The following SH3GL1 variants were observed in gnomAD, a reference collection of about 807,000 sequenced individuals.
SH3GL1 encodes the protein SH3 domain containing GRB2 like 1, endophilin A2, also known as endophilin-A2.
Under a neutral mutation model 48.8 loss-of-function variants are expected in SH3GL1, and 21 were observed. The ratio of observed to expected loss-of-function variants is 0.43; its 90% CI spans 0.30 to 0.62. The LOEUF (loss-of-function observed/expected upper bound fraction) is 0.62. SH3GL1 is among the 20% of genes least tolerant of loss of function. SH3GL1 has a pLI of 0.11. For missense variants in SH3GL1, 454 were observed against 503.0 expected, an observed-to-expected ratio of 0.90 and a Z score of 0.93; for synonymous variants, 282 against 217.5, an observed-to-expected ratio of 1.30 and a Z score of -2.61.
chr19:4,388,209 A>G (rs1384204077), intron 1 of SH3GL1, among the ~76,000 whole-genome samples: 1 of 152,200 alleles, frequency 6.6e-6, no homozygotes, highest in African/African-American at 2.4e-5. Context: ...TCCCCTTTAA[A>G]ATACATTTTA....
chr19:4,373,815 C>CA (rs1449931722), intron 1 of SH3GL1, among the ~76,000 whole-genome samples: 1 of 152,252 alleles, frequency 6.6e-6, no homozygotes, highest in Non-Finnish European at 1.5e-5. Context: ...ACAGGCCTGC[C>CA]ACAGACTTCC....
At chr19:4,369,484 G>A (rs1234220396) in intron 1 of SH3GL1, among the ~76,000 whole-genome samples, 1 of 152,210 alleles carries the variant, frequency 6.6e-6, no homozygotes, top group Admixed American at 6.5e-5. Context: ...TGGCAGGAGT[G>A]GCTCCGTCAG....
At chr19:4,390,810 G>A (rs548639896) in intron 1 of SH3GL1, among the ~76,000 whole-genome samples, 16 of 151,918 alleles carry the variant, frequency 1.1e-4, no homozygotes, top group African/African-American at 3.6e-4. Flanking sequence ...TCAGGGGCTT[G>A]GAAAAGAGAA....
intron 1 of SH3GL1, among the ~76,000 whole-genome samples, chr19:4,391,921 C>T (rs59298110): frequency 0.024 from 3,676 of 152,358 alleles, 141 homozygotes; most frequent in African/African-American, 0.085. Flanking sequence ...CAGTACATGC[C>T]GCACGTTCCT....
chr19:4,362,848 G>C, intron 7 of SH3GL1, 112 bp from the exon 8 acceptor site: 1 of 1,531,484 alleles, frequency 6.5e-7, no homozygotes, highest in Non-Finnish European at 8.9e-7. Flanking sequence ...GGAAGAGGCC[G>C]TCAGTGGGGT....
intron 1 of SH3GL1, among the ~76,000 whole-genome samples, chr19:4,369,818 C>A (rs2144875577): frequency 6.6e-6 from 1 of 152,378 alleles, no homozygotes; most frequent in East Asian, 1.9e-4. Flanking sequence ...GATGGTCCCC[C>A]ACGGGCCAGG....
At chr19:4,386,175 A>T (rs568169547) in intron 1 of SH3GL1, among the ~76,000 whole-genome samples, 3 of 152,340 alleles carry the variant, frequency 2.0e-5, no homozygotes, top group Admixed American at 2.0e-4. Context: ...TGTTTCAAAC[A>T]ATCGGGACTC....
chr19:4,369,295 G>A (rs1285044309), intron 1 of SH3GL1, among the ~76,000 whole-genome samples: 1 of 152,230 alleles, frequency 6.6e-6, no homozygotes. Context: ...TGATTGTGGC[G>A]AGAGAGGGCG....
intron 1 of SH3GL1, among the ~76,000 whole-genome samples, chr19:4,379,361 G>T (rs1016072153): frequency 3.3e-5 from 5 of 151,800 alleles, no homozygotes; most frequent in African/African-American, 1.2e-4. Flanking sequence ...AGCAGGTGGG[G>T]GTTGCTGTGA....
chr19:4,377,438 G>C (rs977773946), intron 1 of SH3GL1, among the ~76,000 whole-genome samples: 1 of 152,270 alleles, frequency 6.6e-6, no homozygotes, highest in Non-Finnish European at 1.5e-5. Flanking sequence ...CTTACACAGG[G>C]ACACCAGGCT....
intron 1 of SH3GL1, among the ~76,000 whole-genome samples, chr19:4,373,958 G>T (rs1972955007): frequency 6.6e-6 from 1 of 152,256 alleles, no homozygotes; most frequent in Non-Finnish European, 1.5e-5. Context: ...GGCCATTCAT[G>T]CCGTCTCTCA....
intron 1 of SH3GL1, among the ~76,000 whole-genome samples, chr19:4,399,417 A>AAGGG (rs1458314892): frequency 6.7e-6 from 1 of 149,142 alleles, no homozygotes; most frequent in Non-Finnish European, 1.5e-5. Flanking sequence ...GAAAGAAGAG[A>AAGGG]AGGGAGGGAG....
In SH3GL1 at chr19:4,389,368, T is replaced by G. The variant is rs566587366; in HGVS notation, c.45+10956A>C. On this transcript the variant is annotated intron_variant, in intron 1 of 9. Coordinates refer to ENST00000269886, the MANE Select transcript of SH3GL1 (RefSeq NM_003025.4). The surrounding 1 kb of genome is among the most constrained non-coding windows in gnomAD (Gnocchi z 4.5). ...GGAAGATGCCAAGGATAAGGGGAGA[T>G]AGAAACGCGTTCGTTATAGGGCAGA... is the stretch of plus-strand genomic sequence containing the variant. Among the ~76,000 whole-genome samples, 1 of 151,538 alleles carries G rather than the reference T, an allele frequency of 6.6e-6. No homozygotes were observed. The highest frequency in any genetic ancestry group is 6.6e-5 in the Admixed American group (1 of 15,228).
intron 4 of SH3GL1, 72 bp downstream of exon 4, chr19:4,365,410 G>A (rs548169698): frequency 1.3e-6 from 2 of 1,594,666 alleles, no homozygotes; most frequent in Non-Finnish European, 1.7e-6. Flanking sequence ...TGCAGGGCCT[G>A]GACCTGCCCT....
intron 3 of SH3GL1, among the ~76,000 whole-genome samples, chr19:4,366,143 A>G (rs1972773245): frequency 6.6e-6 from 1 of 152,178 alleles, no homozygotes. Context: ...CCCAGTCCCA[A>G]GCCCAAGAGG....
chr19:4,367,508 G>A lies in SH3GL1; in HGVS notation c.46-514C>T, dbSNP rs1335790159. 6.6e-6 allele frequency among the ~76,000 whole-genome samples: 1 copy of A among 152,136 alleles called. No homozygotes were observed. Among genetic ancestry groups the A allele is most frequent in the Non-Finnish European group, 1.5e-5 (1 of 68,014 alleles). ...AGAGGTGCAGGCAGCCGGGCAGGGA[G>A]GCCGCCATTCTCCTGTGCTCTGGTG... On this transcript the variant is annotated intron_variant, in intron 1 of 9. Transcript: ENST00000269886. This position sits in a 1 kb window ranked among gnomAD's most constrained non-coding sequence, Gnocchi z 4.2.
At chr19:4,379,180 C>A (rs545801477) in intron 1 of SH3GL1, among the ~76,000 whole-genome samples, 199 of 152,260 alleles carry the variant, frequency 1.3e-3, no homozygotes, top group Non-Finnish European at 7.9e-4. Context: ...GACTGCCAGG[C>A]TTGGTGGCTC....
chr19:4,363,613 T>G (rs1397185151), intron 6 of SH3GL1, 107 bp downstream of exon 6: 2 of 1,507,192 alleles, frequency 1.3e-6, no homozygotes, highest in Non-Finnish European at 1.8e-6. Flanking sequence ...CCTCCCCTGC[T>G]GCAGCGGCCA....
chr19:4,378,894 TAAG>T (rs375118030), intron 1 of SH3GL1, among the ~76,000 whole-genome samples: 4 of 152,044 alleles, frequency 2.6e-5, no homozygotes, highest in Non-Finnish European at 4.4e-5. Flanking sequence ...TGCAGGCCCT[TAAG>T]AAGAAGAAGA....
Sources: gnomAD v4.1 joint callset for allele counts (sites outside exome capture counted in the v4.1 genomes callset) on GRCh38, gnomAD v4.1.1 for gene constraint, Gnocchi (gnomAD v3.1) non-coding constraint, MANE v1.5 for transcripts, NCBI Gene and HGNC (gene_info 2026-07-23, HGNC 2026-07-21) for gene names.